CNTN5: variants seen among roughly 807,000 people sequenced by gnomAD.
CNTN5 encodes the protein contactin 5, also known as contactin-5.
A neutral mutation model predicts 129.1 loss-of-function variants in CNTN5; 77 were observed. The observed-to-expected ratio is 0.60, with a 90% CI of 0.50 to 0.72. CNTN5 has a LOEUF of 0.72. Among genes scored for constraint, CNTN5 ranks in the 30% least tolerant of loss-of-function variants. The probability of loss-of-function intolerance (pLI) is 0.00; values close to 1 mark genes in which losing one functional copy is unlikely to be tolerated. For synonymous variants in CNTN5, 509 were observed against 465.6 expected (o/e 1.09, Z -1.20); for missense variants, 1,478 against 1,328.8 (o/e 1.11, Z -1.75).
At chr11:99,777,108 T>C (rs904204188) in intron 3 of CNTN5, among the ~76,000 whole-genome samples, 2 of 152,006 alleles carry the variant, frequency 1.3e-5, no homozygotes, top group African/African-American at 4.8e-5. Flanking sequence ...ATTATAACTT[T>C]AAAGAAATTA....
chr11:100,159,404 T>C (rs1947364280), intron 13 of CNTN5, among the ~76,000 whole-genome samples: 1 of 151,900 alleles, frequency 6.6e-6, no homozygotes, highest in South Asian at 2.1e-4. Flanking sequence ...ACACCAAAAC[T>C]GCTCTATTAC....
At chr11:99,334,465 T>C (rs1028150777) in intron 2 of CNTN5, among the ~76,000 whole-genome samples, 5 of 152,148 alleles carry the variant, frequency 3.3e-5, no homozygotes, top group Admixed American at 1.3e-4. Context: ...ATTGAAATAA[T>C]AGTTACCCAT....
chr11:99,809,931 C>A (rs1946381098), intron 3 of CNTN5, among the ~76,000 whole-genome samples: 1 of 152,036 alleles, frequency 6.6e-6, no homozygotes, highest in South Asian at 2.1e-4. Flanking sequence ...ATTCTTTAAT[C>A]ACTAAATTAA....
At chr11:99,930,594 A>C (rs1274939421) in intron 7 of CNTN5, among the ~76,000 whole-genome samples, 1 of 152,092 alleles carries the variant, frequency 6.6e-6, no homozygotes, top group Non-Finnish European at 1.5e-5. Context: ...TACTCTAACA[A>C]CATGGTCTGA....
chr11:99,246,791 G>T (rs1426392981), intron 1 of CNTN5, among the ~76,000 whole-genome samples: 3 of 151,848 alleles, frequency 2.0e-5, no homozygotes, highest in Non-Finnish European at 4.4e-5. Context: ...AGTATCACAG[G>T]AACAAAAACA....
At chr11:100,154,212 G>T (rs1947159806) in intron 13 of CNTN5, among the ~76,000 whole-genome samples, 1 of 152,158 alleles carries the variant, frequency 6.6e-6, no homozygotes, top group African/African-American at 2.4e-5. Flanking sequence ...TTGGCTTTCT[G>T]TTCTTGTGTT....
At chr11:99,307,738 G>A (rs558857479) in intron 1 of CNTN5, among the ~76,000 whole-genome samples, 10 of 152,228 alleles carry the variant, frequency 6.6e-5, no homozygotes, top group Middle Eastern at 3.4e-3. Context: ...TTAAATGGGA[G>A]GCCTGTCAAG....
At chr11:100,272,186 T>A (rs910640406) in intron 18 of CNTN5, among the ~76,000 whole-genome samples, 1 of 152,294 alleles carries the variant, frequency 6.6e-6, no homozygotes, top group African/African-American at 2.4e-5. Context: ...TGAAGGTTTG[T>A]CATATATGTT....
At chr11:99,456,658 T>C (rs1039900959) in intron 2 of CNTN5, among the ~76,000 whole-genome samples, 1 of 152,120 alleles carries the variant, frequency 6.6e-6, no homozygotes, top group African/African-American at 2.4e-5. Context: ...TCCAACTATT[T>C]GTTCTTTTAA....
intron 9 of CNTN5, among the ~76,000 whole-genome samples, chr11:100,004,348 C>A (rs1940062674): frequency 6.6e-6 from 1 of 152,078 alleles, no homozygotes; most frequent in Non-Finnish European, 1.5e-5. Context: ...ACACTGGGAT[C>A]TCTCTCCCCC....
chr11:99,825,385 T>C (rs1054116006), intron 4 of CNTN5, among the ~76,000 whole-genome samples: 5 of 152,178 alleles, frequency 3.3e-5, no homozygotes, highest in African/African-American at 1.2e-4. Flanking sequence ...ATAACATTAT[T>C]TGATAATTTT....
chr11:99,784,768 A>G (rs542200697), intron 3 of CNTN5, among the ~76,000 whole-genome samples: 26 of 148,020 alleles, frequency 1.8e-4, no homozygotes, highest in African/African-American at 6.4e-4. Flanking sequence ...TTGCCATTCT[A>G]ACTGGTGTGA....
chr11:100,076,401 C>A (rs940498692), intron 13 of CNTN5, among the ~76,000 whole-genome samples: 1 of 151,948 alleles, frequency 6.6e-6, no homozygotes, highest in Non-Finnish European at 1.5e-5. Context: ...TAGGGTGGAA[C>A]CTCTTTTACC....
intron 3 of CNTN5, among the ~76,000 whole-genome samples, chr11:99,810,066 G>A (rs538877534): frequency 6.6e-6 from 1 of 152,038 alleles, no homozygotes; most frequent in African/African-American, 2.4e-5. Flanking sequence ...TAAAAAGATA[G>A]CATCATAACA....
intron 2 of CNTN5, among the ~76,000 whole-genome samples, chr11:99,547,862 G>T (rs1313237139): frequency 6.6e-6 from 1 of 152,098 alleles, no homozygotes; most frequent in Non-Finnish European, 1.5e-5. Context: ...ATGGCTTCTG[G>T]AGTTAGACTG....
intron 3 of CNTN5, among the ~76,000 whole-genome samples, chr11:99,798,207 G>A (rs1002158227): frequency 4.0e-5 from 6 of 151,798 alleles, no homozygotes; most frequent in Non-Finnish European, 1.5e-5. Flanking sequence ...AGAAGATGCG[G>A]CATTTGGTTT....
chr11:99,853,054 G>T (rs938653774), intron 6 of CNTN5, among the ~76,000 whole-genome samples: 2 of 152,018 alleles, frequency 1.3e-5, no homozygotes, highest in East Asian at 1.9e-4. Flanking sequence ...GTACAAAAAA[G>T]TATCAACAAA....
intron 1 of CNTN5, among the ~76,000 whole-genome samples, chr11:99,299,899 CAGAT>C (rs1864555407): frequency 6.6e-6 from 1 of 151,964 alleles, no homozygotes; most frequent in African/African-American, 2.4e-5. Context: ...TCTTTCCCTT[CAGAT>C]AGATATACAG....
chr11:100,220,991 G>A (rs1949252239), intron 15 of CNTN5, among the ~76,000 whole-genome samples: 1 of 152,206 alleles, frequency 6.6e-6, no homozygotes. Flanking sequence ...CTGCACTAGT[G>A]CTAGCTCAGC....
Sources: gnomAD v4.1 joint callset for allele counts (sites outside exome capture counted in the v4.1 genomes callset) on GRCh38, gnomAD v4.1.1 for gene constraint, MANE v1.5 for transcripts, NCBI Gene and HGNC (gene_info 2026-07-23, HGNC 2026-07-21) for gene names.